DOCK8: variants seen among roughly 807,000 people sequenced by gnomAD.
The protein encoded by DOCK8 is dedicator of cytokinesis protein 8.
In DOCK8, 141 loss-of-function variants were observed where a neutral mutation model predicts 245.6. The ratio of observed to expected loss-of-function variants is 0.57; its 90% CI spans 0.50 to 0.66. The LOEUF (loss-of-function observed/expected upper bound fraction) is 0.66. Among genes scored for constraint, DOCK8 ranks in the 30% least tolerant of loss-of-function variants. The pLI is 0.00. For synonymous variants in DOCK8, 1,168 were observed against 970.2 expected, an observed-to-expected ratio of 1.20 and a Z score of -3.79; for missense variants, 2,965 against 2,603.4, an observed-to-expected ratio of 1.14 and a Z score of -3.02.
intron 2 of DOCK8, among the ~76,000 whole-genome samples, chr9:276,386 G>A (rs554887244): frequency 1.8e-4 from 27 of 152,326 alleles, no homozygotes; most frequent in South Asian, 1.0e-3. Context: ...GAGAGGAAGG[G>A]TGTATGTTTG....
intron 14 of DOCK8, among the ~76,000 whole-genome samples, chr9:342,333 A>T (rs2051645248): frequency 7.6e-6 from 1 of 131,114 alleles, no homozygotes; most frequent in African/African-American, 2.9e-5. Context: ...ATTACTATGG[A>T]GTCGTGAGTC....
intron 14 of DOCK8, among the ~76,000 whole-genome samples, chr9:346,473 G>A (rs72701297): frequency 0.14 from 21,278 of 152,128 alleles, 1,872 homozygotes; most frequent in Non-Finnish European, 0.2. Flanking sequence ...GCTCCCTGCC[G>A]TCCCTTTAAT....
chr9:268,928 C>T (rs1372223928), intron 1 of DOCK8, among the ~76,000 whole-genome samples: 1 of 152,194 alleles, frequency 6.6e-6, no homozygotes, highest in Non-Finnish European at 1.5e-5. Context: ...GACTGTCCAA[C>T]TTATAATTAA....
At chr9:235,871 C>T (rs1019242048) in intron 1 of DOCK8, among the ~76,000 whole-genome samples, 1 of 152,202 alleles carries the variant, frequency 6.6e-6, no homozygotes, top group African/African-American at 2.4e-5. Context: ...GATGCCTTGC[C>T]CTGCTTCGGC....
chr9:347,117 C>G (rs1162940709), intron 14 of DOCK8, among the ~76,000 whole-genome samples: 9 of 152,144 alleles, frequency 5.9e-5, no homozygotes, highest in African/African-American at 2.2e-4. Context: ...TGGTCTGACA[C>G]TCTCTTTTGT....
At position 375,885 on chromosome 9, in the gene DOCK8, T is replaced by C. The variant is rs555469990; in HGVS notation, c.2110-325T>C. The stretch of plus-strand genomic sequence containing the variant: ...GGTGGTGTGTGCCTGTAGTCCCCGC[T>C]ACTCCAGAGACTGAGACGGGAGGAT... On this transcript the variant is annotated intron_variant, in intron 18 of 47. Transcript: ENST00000432829. Among the ~76,000 whole-genome samples, 9 of 152,230 alleles carry C rather than the reference T, an allele frequency of 5.9e-5. No individual in the cohort carries two copies. The South Asian group carries it at 1.9e-3, about 32-fold the overall frequency.
intron 33 of DOCK8, among the ~76,000 whole-genome samples, chr9:425,492 ACTGCACT>A (rs57236352): frequency 0.012 from 1,752 of 141,054 alleles, 26 homozygotes; most frequent in African/African-American, 0.043. Flanking sequence ...AGATTGCGCC[ACTGCACT>A]CTGCACTCCA....
At chr9:444,786 T>C (rs1267976989) in intron 43 of DOCK8, among the ~76,000 whole-genome samples, 1 of 152,162 alleles carries the variant, frequency 6.6e-6, no homozygotes. Flanking sequence ...TGCTAGGAAA[T>C]GGAGACAAAG....
chr9:325,527 G>A (rs1429877920), intron 7 of DOCK8, 144 bp from the exon 8 acceptor site: 4 of 727,808 alleles, frequency 5.5e-6, no homozygotes, highest in Non-Finnish European at 9.9e-6. Context: ...TAATATCCCA[G>A]TGCGATTCTC....
intron 14 of DOCK8, among the ~76,000 whole-genome samples, chr9:344,988 G>A (rs1386612514): frequency 2.0e-5 from 3 of 152,106 alleles, no homozygotes; most frequent in Admixed American, 2.0e-4. Flanking sequence ...GGAGGCAGAG[G>A]TTGCAGTGAG....
In DOCK8 at chr9:336,644, C is replaced by G; in HGVS notation, c.1348C>G (p.Leu450Val). The part of the protein sequence containing the change: ...AQSRRLSERA[L>V]SLEENGVGSN... The stretch of plus-strand genomic sequence containing the variant: ...ATCTAGAAGGCTTTCTGAAAGAGCC[C>G]TCTCCTTGGAGGAAAATGGGGTTGG... Residue 450 changes from leucine to valine, a missense_variant, in exon 12 of 48, where the codon CTC (leucine) becomes GTC (valine). This residue lies in a region of DOCK8 where 2,825 missense variants were observed against 2,453.5 expected (regional missense o/e 1.15). Transcript: ENST00000432829. 2 of 1,614,152 alleles carry G rather than the reference C, an allele frequency of 1.2e-6. No homozygotes were observed. Among genetic ancestry groups the G allele is most frequent in the Non-Finnish European group, 1.7e-6 (2 of 1,180,020 alleles).
intron 10 of DOCK8, among the ~76,000 whole-genome samples, chr9:333,411 C>T (rs867991906): frequency 1.3e-5 from 2 of 152,138 alleles, no homozygotes; most frequent in South Asian, 2.1e-4. Flanking sequence ...ACCATCCTGG[C>T]CAACACGGTG....
chr9:283,109 G>A (rs1462457932), intron 2 of DOCK8, among the ~76,000 whole-genome samples: 4 of 152,138 alleles, frequency 2.6e-5, no homozygotes, highest in Non-Finnish European at 5.9e-5. Context: ...CCTGCAAAAG[G>A]AAACAATCAA....
rs147750693 is a variant in DOCK8 at position 285,888 on chromosome 9, C to G, written c.157-573C>G. Among the ~76,000 whole-genome samples, 392 of 152,312 alleles carry G rather than the reference C, an allele frequency of 2.6e-3. 1 individual carries two copies. Among genetic ancestry groups the G allele is most frequent in the African/African-American group, 8.9e-3 (371 of 41,562 alleles). On this transcript the variant is annotated intron_variant, in intron 2 of 47. Coordinates refer to ENST00000432829, the MANE Select transcript of DOCK8 (RefSeq NM_203447.4). ...AGACCAGCACCAGTCGCCCCAGTGA[C>G]ATTTAGAAATCACTGCCCTGGATTG... is the stretch of plus-strand genomic sequence containing the variant.
chr9:228,594 G>A (rs2047037463), intron 1 of DOCK8, among the ~76,000 whole-genome samples: 1 of 152,080 alleles, frequency 6.6e-6, no homozygotes, highest in Admixed American at 6.5e-5. Flanking sequence ...GGGGAGCATG[G>A]CCCTACTCGC....
intron 6 of DOCK8, chr9:312,628 C>T (rs192137920): frequency 5.5e-6 from 2 of 360,596 alleles, no homozygotes; most frequent in East Asian, 1.5e-4. Flanking sequence ...GAAAACATTT[C>T]AGGCTAGGAT....
At chr9:396,729 T>A in intron 24 of DOCK8, 56 bp from the exon 25 acceptor site, 1 of 1,608,712 alleles carries the variant, frequency 6.2e-7, no homozygotes, top group South Asian at 1.1e-5. Flanking sequence ...CTTTTCTGCA[T>A]TGTACAAGCA....
At chr9:377,967 C>A (rs2053587368) in intron 20 of DOCK8, among the ~76,000 whole-genome samples, 1 of 152,188 alleles carries the variant, frequency 6.6e-6, no homozygotes, top group Non-Finnish European at 1.5e-5. Context: ...TATTTGCCAC[C>A]ATTTTCAGCT....
At chr9:334,611 A>G (rs1452663606) in intron 11 of DOCK8, among the ~76,000 whole-genome samples, 3 of 152,204 alleles carry the variant, frequency 2.0e-5, no homozygotes, top group East Asian at 3.8e-4. Flanking sequence ...CTCTTATAGT[A>G]AGATTTTCTA....
Sources: allele counts gnomAD v4.1 joint callset (sites outside exome capture counted in the v4.1 genomes callset), GRCh38; gene constraint gnomAD v4.1.1; regional missense constraint gnomAD v4.1.1; transcripts MANE v1.5; gene names NCBI Gene and HGNC (gene_info 2026-07-23, HGNC 2026-07-21).